The following MAML3 variants were observed in gnomAD, a reference collection of about 807,000 sequenced individuals.
The protein encoded by MAML3 is mastermind like transcriptional coactivator 3.
MAML3 carries 27 observed loss-of-function variants against 101.9 expected under a neutral mutation model. The observed-to-expected ratio is 0.27, with a 90% CI of 0.20 to 0.37. The LOEUF (loss-of-function observed/expected upper bound fraction) is 0.37. Ranked by LOEUF, MAML3 falls within the 10% of genes least tolerant of loss-of-function variation. MAML3 has a pLI of 1.00. For missense variants in MAML3, 1,316 were observed against 1,444.9 expected, an observed-to-expected ratio of 0.91 and a Z score of 1.45; for synonymous variants, 501 against 555.9, an observed-to-expected ratio of 0.90 and a Z score of 1.39.
At chr4:140,006,224 G>A (rs1726442945) in intron 1 of MAML3, among the ~76,000 whole-genome samples, 3 of 152,112 alleles carry the variant, frequency 2.0e-5, no homozygotes, top group Admixed American at 6.5e-5. Context: ...TAGGAAGAAA[G>A]GGAGTGGAAG....
At chr4:140,026,989 C>T (rs1354918917) in intron 1 of MAML3, among the ~76,000 whole-genome samples, 1 of 150,122 alleles carries the variant, frequency 6.7e-6, no homozygotes, top group Non-Finnish European at 1.5e-5. Flanking sequence ...ATCCTTAGAT[C>T]ATAATTAAAA....
intron 2 of MAML3, among the ~76,000 whole-genome samples, chr4:139,875,461 C>T (rs1310999682): frequency 6.6e-6 from 1 of 152,170 alleles, no homozygotes; most frequent in African/African-American, 2.4e-5. Context: ...TATTCATGTT[C>T]ACGTGGAGCT....
At chr4:139,849,092 A>G (rs1265718582) in intron 2 of MAML3, among the ~76,000 whole-genome samples, 1 of 152,158 alleles carries the variant, frequency 6.6e-6, no homozygotes, top group Non-Finnish European at 1.5e-5. Context: ...ACACTATTAG[A>G]TCTTACTGTT....
chr4:139,997,520 T>G (rs1734840820), intron 1 of MAML3, among the ~76,000 whole-genome samples: 2 of 152,110 alleles, frequency 1.3e-5, no homozygotes, highest in African/African-American at 4.8e-5. Flanking sequence ...TGCTATAGAC[T>G]TAATAGTAGA....
intron 1 of MAML3, among the ~76,000 whole-genome samples, chr4:140,030,860 G>C (rs1003906169): frequency 1.3e-5 from 2 of 152,184 alleles, no homozygotes; most frequent in Non-Finnish European, 2.9e-5. Context: ...ACCTCTCCAG[G>C]CACTGCTGTG....
At chr4:139,869,177 C>G (rs1301963893) in intron 2 of MAML3, among the ~76,000 whole-genome samples, 2 of 152,140 alleles carry the variant, frequency 1.3e-5, no homozygotes, top group African/African-American at 4.8e-5. Context: ...GCTTCCATAG[C>G]AATTTAGTAT....
intron 1 of MAML3, among the ~76,000 whole-genome samples, chr4:140,135,541 G>A (rs1578703363): frequency 6.6e-6 from 1 of 152,260 alleles, no homozygotes; most frequent in East Asian, 1.9e-4. Flanking sequence ...AAGGAGGAGT[G>A]AATGTTTTCC....
intron 1 of MAML3, among the ~76,000 whole-genome samples, chr4:139,918,767 T>C (rs113887089): frequency 0.021 from 3,232 of 152,156 alleles, 134 homozygotes; most frequent in African/African-American, 0.073. Context: ...AATAAGTGAT[T>C]ACATGAACAT....
At chr4:140,105,027 A>G (rs1728327908) in intron 1 of MAML3, among the ~76,000 whole-genome samples, 1 of 152,138 alleles carries the variant, frequency 6.6e-6, no homozygotes. Flanking sequence ...TGTAAGCAGT[A>G]AAAGAAAGTC....
chr4:140,085,208 T>C (rs772387591), intron 1 of MAML3, among the ~76,000 whole-genome samples: 1 of 152,196 alleles, frequency 6.6e-6, no homozygotes, highest in Non-Finnish European at 1.5e-5. Flanking sequence ...GTTTTTGTGT[T>C]TTCCTTGCGT....
intron 2 of MAML3, among the ~76,000 whole-genome samples, chr4:139,746,229 G>A (rs542127456): frequency 1.3e-5 from 2 of 152,242 alleles, no homozygotes; most frequent in South Asian, 2.1e-4. Flanking sequence ...AATTAACATG[G>A]CATGTATTCC....
At chr4:139,946,242 T>C (rs925364478) in intron 1 of MAML3, among the ~76,000 whole-genome samples, 3 of 152,232 alleles carry the variant, frequency 2.0e-5, no homozygotes, top group Non-Finnish European at 4.4e-5. Context: ...AAAGATAATA[T>C]ATGCATCAGT....
intron 2 of MAML3, among the ~76,000 whole-genome samples, chr4:139,850,913 AAAAG>A (rs201326741): frequency 0.015 from 2,240 of 152,056 alleles, 55 homozygotes; most frequent in African/African-American, 0.051. Context: ...TAAAAAAAAA[AAAAG>A]AGAGAGAGAG....
Position 139,997,476 on chromosome 4 carries a change from GTGATATATATTATA to G in MAML3, c.469-106523_469-106510del, listed in dbSNP as rs370728107. 6.6e-3 allele frequency among the ~76,000 whole-genome samples: 996 copies of G among 152,024 alleles called. 11 individuals are homozygous for G. Among genetic ancestry groups the G allele is most frequent in the African/African-American group, 0.023 (950 of 41,470 alleles). ...CTCCCACCCTCTTTGTGCTGTTACT[GTGATATATATTATA>G]TGTCATATACATCTACATTTGCTAT... On this transcript the variant is annotated intron_variant, in intron 1 of 4. Coordinates refer to ENST00000509479, the MANE Select transcript of MAML3 (RefSeq NM_018717.5).
intron 1 of MAML3, among the ~76,000 whole-genome samples, chr4:139,921,451 T>C (rs1023536244): frequency 2.0e-5 from 3 of 152,118 alleles, no homozygotes; most frequent in African/African-American, 7.2e-5. Context: ...ATTCCCTCAG[T>C]GCAAAACAAG....
At chr4:140,084,076 A>C (rs1178272638) in intron 1 of MAML3, among the ~76,000 whole-genome samples, 1 of 152,074 alleles carries the variant, frequency 6.6e-6, no homozygotes, top group East Asian at 1.9e-4. Flanking sequence ...TTATTTCTAG[A>C]AATCTGAAAT....
At position 139,720,113 on chromosome 4, in the gene MAML3, G is replaced by A. The variant is rs760730626; in HGVS notation, c.2627C>T (p.Thr876Ile). 26 of 1,614,082 alleles carry A rather than the reference G, an allele frequency of 1.6e-5. No homozygotes were observed. Among genetic ancestry groups the A allele is most frequent in the Non-Finnish European group, 2.2e-5 (26 of 1,179,914 alleles). The part of the protein sequence containing the change: ...TSQPGMYNMS[T>I]GMTQMLQHPN... ...ATGCTGCAACATTTGGGTCATGCCT[G>A]TGCTCATATTGTACATTCCTGGTTG... Residue 876 changes from threonine to isoleucine, a missense_variant, in exon 5 of 5, where the codon ACA (threonine) becomes ATA (isoleucine). Thr to Ile is a moderately conservative substitution (Grantham distance 89, BLOSUM62 -1). Transcript: ENST00000509479.
At chr4:139,762,775 A>C (rs1729782240) in intron 2 of MAML3, among the ~76,000 whole-genome samples, 1 of 152,186 alleles carries the variant, frequency 6.6e-6, no homozygotes, top group Non-Finnish European at 1.5e-5. Flanking sequence ...GGTTGAGAAT[A>C]AACTGTTCTC....
intron 1 of MAML3, among the ~76,000 whole-genome samples, chr4:139,975,815 A>G (rs1268484810): frequency 2.0e-5 from 3 of 152,200 alleles, no homozygotes; most frequent in Non-Finnish European, 4.4e-5. Context: ...CAATGGGAAG[A>G]AAAAAGGAGC....
Sources: gnomAD v4.1 joint callset for allele counts (sites outside exome capture counted in the v4.1 genomes callset) on GRCh38, gnomAD v4.1.1 for gene constraint, MANE v1.5 for transcripts, NCBI Gene and HGNC (gene_info 2026-07-23, HGNC 2026-07-21) for gene names.